The following IAPP variants were observed in gnomAD, a reference collection of about 807,000 sequenced individuals.
IAPP encodes islet amyloid polypeptide.
IAPP carries 4 observed loss-of-function variants against 2.9 expected under a neutral mutation model. The observed-to-expected ratio is 1.39, with a 90% confidence interval of 0.69 to 3.19. The LOEUF (loss-of-function observed/expected upper bound fraction) is 3.19, where lower values mean the gene tolerates loss of function less well. Among genes scored for constraint, IAPP ranks in the 30% most tolerant of loss-of-function variants. The pLI, the probability that IAPP is intolerant of heterozygous loss-of-function variation, is 0.01. For missense variants in IAPP, 114 were observed against 105.3 expected (o/e 1.08, Z -0.36); for synonymous variants, 40 against 42.1 (o/e 0.95, Z 0.19).
chr12:21,364,619 A>G (rs1207485956), intron 1 of IAPP, among the ~76,000 whole-genome samples: 1 of 152,238 alleles, frequency 6.6e-6, no homozygotes, highest in Admixed American at 6.5e-5. Flanking sequence ...TCCCTGTTGC[A>G]GAGGACATGA....
At position 21,356,389 on chromosome 12, in the gene IAPP, A is replaced by G. The variant is rs117918930; in HGVS notation, c.-16+1376A>G. 2.5e-4 allele frequency among the ~76,000 whole-genome samples: 38 copies of G among 152,158 alleles called. 1 individual carries two copies. The East Asian group carries it at 5.6e-3, about 22-fold the overall frequency. On this transcript the variant is annotated intron_variant, in intron 1 of 2. Transcript: ENST00000539393. ...AACTTTTCAGATTAACTCCCAAAAC[A>G]TATCTCTATTATATGCTGTGTATGA...
At chr12:21,360,959 G>T (rs576740077) in intron 1 of IAPP, among the ~76,000 whole-genome samples, 1 of 152,220 alleles carries the variant, frequency 6.6e-6, no homozygotes, top group African/African-American at 2.4e-5. Flanking sequence ...ACCTCTAGGG[G>T]CAGGGCATAG....
At chr12:21,358,152 T>G (rs1004002776) in intron 1 of IAPP, among the ~76,000 whole-genome samples, 3 of 152,182 alleles carry the variant, frequency 2.0e-5, no homozygotes, top group African/African-American at 7.2e-5. Flanking sequence ...TGTGCTACAT[T>G]TTAAAGGATG....
upstream of IAPP, among the ~76,000 whole-genome samples, chr12:21,368,470 A>ATT (rs35001636): frequency 6.7e-6 from 1 of 148,776 alleles, no homozygotes; most frequent in Admixed American, 6.7e-5. Context: ...AACCAGTTAA[A>ATT]TTTTTTTTTT....
chr12:21,377,993 G>T (rs1246352969), intron 2 of IAPP, among the ~76,000 whole-genome samples: 1 of 151,924 alleles, frequency 6.6e-6, no homozygotes, highest in African/African-American at 2.4e-5. Context: ...ATTTCCAAAG[G>T]AAGACTTTTA....
chr12:21,364,951 T>C (rs1421667267), intron 1 of IAPP, among the ~76,000 whole-genome samples: 1 of 152,148 alleles, frequency 6.6e-6, no homozygotes, highest in African/African-American at 2.4e-5. Context: ...GAATCAATGT[T>C]GTGAAAATGG....
chr12:21,361,863 T>C (rs1270241814), intron 1 of IAPP, among the ~76,000 whole-genome samples: 1 of 151,876 alleles, frequency 6.6e-6, no homozygotes, highest in African/African-American at 2.4e-5. Flanking sequence ...TAAAAAGAAA[T>C]GAACAAAGCC....
At chr12:21,377,939 A>C (rs1940321603) in intron 2 of IAPP, among the ~76,000 whole-genome samples, 1 of 152,344 alleles carries the variant, frequency 6.6e-6, no homozygotes, top group East Asian at 1.9e-4. Flanking sequence ...TTAAAAATGT[A>C]AGACAAAGAC....
At chr12:21,366,227 G>A (rs1235714709) in intron 1 of IAPP, among the ~76,000 whole-genome samples, 1 of 152,084 alleles carries the variant, frequency 6.6e-6, no homozygotes, top group Non-Finnish European at 1.5e-5. Flanking sequence ...CCATAAAAAA[G>A]GATGAGTTCA....
intron 2 of IAPP, among the ~76,000 whole-genome samples, chr12:21,377,484 A>C (rs746565164): frequency 1.3e-5 from 2 of 152,138 alleles, no homozygotes; most frequent in Non-Finnish European, 2.9e-5. Context: ...TTATGTGCAA[A>C]ATGTTGGGCA....
chr12:21,376,797 TTATGCA>T (rs1479333569), intron 2 of IAPP, among the ~76,000 whole-genome samples: 1 of 152,106 alleles, frequency 6.6e-6, no homozygotes, highest in Non-Finnish European at 1.5e-5. Context: ...GAGTCCCAGA[TTATGCA>T]TATCCACTGG....
intron 1 of IAPP, among the ~76,000 whole-genome samples, chr12:21,361,289 T>C (rs1157671083): frequency 6.6e-6 from 1 of 152,188 alleles, no homozygotes; most frequent in Admixed American, 6.5e-5. Context: ...GGAGTGGACC[T>C]CCAGCAAACT....
intron 1 of IAPP, among the ~76,000 whole-genome samples, chr12:21,364,787 C>A (rs900772126): frequency 2.0e-5 from 3 of 152,074 alleles, no homozygotes; most frequent in African/African-American, 7.2e-5. Context: ...TGAGTGAACT[C>A]CATTCACAGT....
chr12:21,358,099 G>C (rs1041071298), intron 1 of IAPP, among the ~76,000 whole-genome samples: 1 of 152,140 alleles, frequency 6.6e-6, no homozygotes, highest in Non-Finnish European at 1.5e-5. Flanking sequence ...TATGAAAAGA[G>C]TGTTGGAATA....
Position 21,379,860 on chromosome 12 carries a change from T to C in IAPP, c.*1434T>C, listed in dbSNP as rs1233019793. 6.6e-6 allele frequency: 1 copy of C among 152,170 alleles called. No individual in the cohort carries two copies. The highest frequency in any genetic ancestry group is 1.5e-5 in the Non-Finnish European group (1 of 68,020). The allele number at this position is 152,170 out of a possible 1,614,324, so 9.4% of individuals were successfully genotyped here. On this transcript the variant is annotated 3_prime_UTR_variant, in exon 3 of 3. Coordinates refer to ENST00000240652, the MANE Select transcript of IAPP (RefSeq NM_000415.3). ...CCTTAGGTTACCAAATTGTAGAGGC[T>C]TTCGTTGGTGGTGGTAAGTGGTAGC...
upstream of IAPP, among the ~76,000 whole-genome samples, chr12:21,368,874 C>G (rs896851809): frequency 1.3e-5 from 2 of 152,046 alleles, no homozygotes; most frequent in African/African-American, 4.8e-5. Context: ...GTGAGGAGAG[C>G]TGAATCTTCT....
intron 1 of IAPP, among the ~76,000 whole-genome samples, chr12:21,358,374 T>C (rs977272709): frequency 1.3e-5 from 2 of 152,180 alleles, no homozygotes; most frequent in Admixed American, 1.3e-4. Flanking sequence ...TTAAAACACA[T>C]ATTTTTCCTC....
At chr12:21,364,397 T>C (rs1939201431) in intron 1 of IAPP, among the ~76,000 whole-genome samples, 1 of 152,174 alleles carries the variant, frequency 6.6e-6, no homozygotes, top group Non-Finnish European at 1.5e-5. Flanking sequence ...GGGATGTATC[T>C]CAAAATAATA....
In IAPP at chr12:21,374,498, T is replaced by C. The variant is rs558422879; in HGVS notation, c.80+1067T>C. 4 of 152,320 alleles carry C rather than the reference T, an allele frequency of 2.6e-5. No individual in the cohort carries two copies. The East Asian group carries it at 7.7e-4, about 29-fold the overall frequency. 9.4% of individuals were successfully genotyped at this position (152,320 alleles called of 1,614,324 possible). A position where few individuals can be genotyped will look rare whatever the true frequency, so the allele number is the denominator to read the frequency against. On this transcript the variant is annotated intron_variant, in intron 2 of 2. Coordinates refer to ENST00000240652, the MANE Select transcript of IAPP (RefSeq NM_000415.3). ...CGAGGTAGTTTTTCTTGGAAGCCCA[T>C]AGCAATATGCAAAGATTTCTACAGC...
Sources: gnomAD v4.1 joint callset for allele counts (sites outside exome capture counted in the v4.1 genomes callset) on GRCh38, gnomAD v4.1.1 for gene constraint, MANE v1.5 for transcripts, NCBI Gene and HGNC (gene_info 2026-07-23, HGNC 2026-07-21) for gene names.